MTSS1: variants seen among roughly 807,000 people sequenced by gnomAD.
MTSS1 encodes protein MTSS 1.
Under a neutral mutation model 79.0 loss-of-function variants are expected in MTSS1, and 18 were observed. That is an observed-to-expected ratio of 0.23 (90% confidence interval 0.16 to 0.34). The LOEUF (loss-of-function observed/expected upper bound fraction) is 0.34. Among genes scored for constraint, MTSS1 ranks in the 10% least tolerant of loss-of-function variants. The pLI, the probability that MTSS1 is intolerant of heterozygous loss-of-function variation, is 1.00. For missense variants in MTSS1, 815 were observed against 986.2 expected (o/e 0.83, Z 2.33); for synonymous variants, 341 against 368.6 (o/e 0.93, Z 0.86).
intron 3 of MTSS1, among the ~76,000 whole-genome samples, chr8:124,662,860 G>A (rs1362491848): frequency 6.6e-6 from 1 of 152,068 alleles, no homozygotes; most frequent in African/African-American, 2.4e-5. Flanking sequence ...TATCCAAGGG[G>A]ACCGTGTAAT....
chr8:124,644,512 A>G (rs931904210), intron 3 of MTSS1, among the ~76,000 whole-genome samples: 2 of 152,236 alleles, frequency 1.3e-5, no homozygotes, highest in Admixed American at 1.3e-4. Flanking sequence ...CCACAATTTA[A>G]TTTTAGCATC....
At chr8:124,634,276 G>GTTTTTTTTTTTTT (rs370401979) in intron 3 of MTSS1, among the ~76,000 whole-genome samples, 8 of 147,608 alleles carry the variant, frequency 5.4e-5, no homozygotes, top group African/African-American at 2.1e-4. Flanking sequence ...TACCTGGCTA[G>GTTTTTTTTTTTTT]TTTTTTTTTG....
chr8:124,563,581 A>C (rs1427033331), intron 9 of MTSS1, among the ~76,000 whole-genome samples: 2 of 152,212 alleles, frequency 1.3e-5, no homozygotes, highest in Non-Finnish European at 2.9e-5. Context: ...TCAACTCACT[A>C]TGTTGGTGTG....
intron 3 of MTSS1, among the ~76,000 whole-genome samples, chr8:124,643,305 A>C (rs1216856833): frequency 1.3e-5 from 2 of 152,162 alleles, no homozygotes; most frequent in African/African-American, 4.8e-5. Flanking sequence ...TACAAGCAAA[A>C]GATAACCAAC....
chr8:124,615,281 G>A (rs755158249), intron 3 of MTSS1, among the ~76,000 whole-genome samples: 4 of 151,886 alleles, frequency 2.6e-5, no homozygotes, highest in Middle Eastern at 3.4e-3. Flanking sequence ...AATGGAGAGC[G>A]GTGGAAAGGA....
intron 3 of MTSS1, among the ~76,000 whole-genome samples, chr8:124,677,334 C>T (rs967152092): frequency 3.3e-5 from 5 of 152,172 alleles, no homozygotes; most frequent in Non-Finnish European, 7.3e-5. Flanking sequence ...AAATCAGGGA[C>T]ATTCTGCCAG....
intron 3 of MTSS1, among the ~76,000 whole-genome samples, chr8:124,629,264 C>T (rs944248583): frequency 2.6e-5 from 4 of 152,024 alleles, no homozygotes; most frequent in African/African-American, 9.7e-5. Context: ...CCTGTAATCC[C>T]AGCACTTTGG....
intron 3 of MTSS1, among the ~76,000 whole-genome samples, chr8:124,603,534 CTG>C (rs1283125322): frequency 6.6e-6 from 1 of 152,256 alleles, no homozygotes; most frequent in Non-Finnish European, 1.5e-5. Flanking sequence ...AATGAACAAA[CTG>C]TGTTCCTCTG....
At chr8:124,665,005 G>T (rs1189650368) in intron 3 of MTSS1, among the ~76,000 whole-genome samples, 1 of 152,024 alleles carries the variant, frequency 6.6e-6, no homozygotes, top group Admixed American at 6.5e-5. Flanking sequence ...ATAAACTAAA[G>T]GTACAACTAA....
intron 6 of MTSS1, chr8:124,568,929 G>C: frequency 8.2e-7 from 1 of 1,219,068 alleles, no homozygotes; most frequent in Non-Finnish European, 1.0e-6. Flanking sequence ...GAGCCTGTGG[G>C]TGTTTCCAAA....
chr8:124,696,928 T>A (rs565500483), intron 3 of MTSS1, among the ~76,000 whole-genome samples: 1 of 151,948 alleles, frequency 6.6e-6, no homozygotes, highest in African/African-American at 2.4e-5. Flanking sequence ...GTGAAATACA[T>A]CACCTCCAAA....
Position 124,553,375 on chromosome 8 carries a change from C to T in MTSS1, c.1885G>A (p.Val629Met). The change falls in exon 14 of 14, where the codon GTG becomes ATG. Residue 629 changes from valine to methionine, a missense_variant. By Grantham distance (21) the Val-to-Met change is conservative. Around this residue, in one of 2 missense-constraint regions of MTSS1, gnomAD observed 590 missense variants for 620.8 expected, o/e 0.95. Coordinates refer to ENST00000518547, the MANE Select transcript of MTSS1 (RefSeq NM_014751.6). This position sits in a 1 kb window ranked among gnomAD's most constrained non-coding sequence, Gnocchi z 6.0. ...GGCCCATCTGGAGGGGCTGGCAACA[C>T]CCCTGGGAGGTCTGGGACGGTTGGG... ...KTPTVPDLPG[V>M]LPAPPDGPEE... 1 of 1,611,050 alleles carries T rather than the reference C, an allele frequency of 6.2e-7. No individual in the cohort carries two copies.
rs1832899668 is a variant in MTSS1, at chr8:124,597,111, T to A, written c.209-5876A>T. Among the ~76,000 whole-genome samples the A allele has an allele frequency of 6.6e-6, 1 of 152,134 alleles. No homozygotes were observed. Among genetic ancestry groups the A allele is most frequent in the Non-Finnish European group, 1.5e-5 (1 of 68,022 alleles). On this transcript the variant is annotated intron_variant, in intron 3 of 13. Coordinates refer to ENST00000518547, the MANE Select transcript of MTSS1 (RefSeq NM_014751.6). The surrounding 1 kb of genome is among the most constrained non-coding windows in gnomAD (Gnocchi z 4.6). ...AAAACTAACGTGATTTCAAGGACGG[T>A]GAAGACAGGTGCCAGGCCCTTGAGC...
At chr8:124,621,054 C>G (rs1813405544) in intron 3 of MTSS1, among the ~76,000 whole-genome samples, 1 of 152,164 alleles carries the variant, frequency 6.6e-6, no homozygotes, top group Admixed American at 6.5e-5. Flanking sequence ...CCTGGAATCC[C>G]TCCACTGATA....
chr8:124,720,683 A>G (rs979420306), intron 1 of MTSS1, among the ~76,000 whole-genome samples: 4 of 152,206 alleles, frequency 2.6e-5, no homozygotes, highest in Non-Finnish European at 5.9e-5. Flanking sequence ...CTGCAACTTC[A>G]CTGCAAGCTC....
At chr8:124,689,077 T>C (rs1484431997) in intron 3 of MTSS1, among the ~76,000 whole-genome samples, 2 of 151,388 alleles carry the variant, frequency 1.3e-5, no homozygotes, top group Non-Finnish European at 2.9e-5. Context: ...TCAGAAGAAT[T>C]CACTGCCAAA....
chr8:124,571,880 C>A (rs979091944), intron 6 of MTSS1, among the ~76,000 whole-genome samples: 3 of 152,156 alleles, frequency 2.0e-5, no homozygotes, highest in Non-Finnish European at 4.4e-5. Flanking sequence ...AGAAGAATTG[C>A]TTGAACCTGG....
chr8:124,722,998 T>C (rs1479643592), intron 1 of MTSS1, among the ~76,000 whole-genome samples: 1 of 152,168 alleles, frequency 6.6e-6, no homozygotes, highest in African/African-American at 2.4e-5. Context: ...AATGAATCAA[T>C]AGTTTCAACC....
chr8:124,587,986 T>C (rs577545785), intron 5 of MTSS1, among the ~76,000 whole-genome samples: 19 of 152,196 alleles, frequency 1.2e-4, no homozygotes, highest in Non-Finnish European at 2.1e-4. Flanking sequence ...TTGTCTGTGA[T>C]AGACAAAGTT....
Sources: allele counts gnomAD v4.1 joint callset (sites outside exome capture counted in the v4.1 genomes callset), GRCh38; gene constraint gnomAD v4.1.1; regional missense constraint gnomAD v4.1.1; non-coding constraint Gnocchi (gnomAD v3.1); transcripts MANE v1.5; gene names NCBI Gene and HGNC (gene_info 2026-07-23, HGNC 2026-07-21).